NLGN1: variants seen among roughly 807,000 people sequenced by gnomAD.
The protein encoded by NLGN1 is neuroligin 1.
Under a neutral mutation model 65.5 loss-of-function variants are expected in NLGN1, and 12 were observed. The observed-to-expected ratio is 0.18, with a 90% CI of 0.12 to 0.30. The LOEUF is 0.30. Among genes scored for constraint, NLGN1 ranks in the 10% least tolerant of loss-of-function variants. The pLI is 1.00. For synonymous variants in NLGN1, 350 were observed against 359.5 expected, an observed-to-expected ratio of 0.97 and a Z score of 0.30; for missense variants, 750 against 1,007.1, an observed-to-expected ratio of 0.74 and a Z score of 3.46.
chr3:173,764,396 C>T (rs539430373), intron 3 of NLGN1, among the ~76,000 whole-genome samples: 20 of 152,264 alleles, frequency 1.3e-4, no homozygotes, highest in African/African-American at 4.1e-4. Flanking sequence ...GACTGAATCA[C>T]TGCTTCCTGT....
chr3:174,202,212 C>A (rs1488874784), intron 4 of NLGN1, among the ~76,000 whole-genome samples: 1 of 152,152 alleles, frequency 6.6e-6, no homozygotes, highest in Non-Finnish European at 1.5e-5. Flanking sequence ...CAAACACAAA[C>A]CCTCTTGCCC....
At chr3:174,147,952 C>T (rs907845257) in intron 4 of NLGN1, among the ~76,000 whole-genome samples, 3 of 152,154 alleles carry the variant, frequency 2.0e-5, no homozygotes, top group African/African-American at 7.2e-5. Context: ...TCTAAATCCT[C>T]CTCTTGTTCT....
intron 4 of NLGN1, among the ~76,000 whole-genome samples, chr3:173,876,257 A>G (rs1732086124): frequency 6.6e-6 from 1 of 152,142 alleles, no homozygotes; most frequent in South Asian, 2.1e-4. Context: ...GAACAGGTCA[A>G]TTAGCTTTTA....
In NLGN1 at chr3:173,521,400, A is replaced by G. The variant is rs139886275; in HGVS notation, c.-320-82879A>G. On this transcript the variant is annotated intron_variant, in intron 2 of 6. Coordinates refer to ENST00000457714, the Ensembl canonical transcript of NLGN1. ...ATAGAGGTGCTAGCCTTCTATCCCT[A>G]CAAACTTTACTTGTTAAAACCATGG... Among the ~76,000 whole-genome samples, 156 of 152,322 alleles carry G rather than the reference A, an allele frequency of 1.0e-3. 1 individual carries two copies. The highest frequency in any genetic ancestry group is 6.8e-3 in the Middle Eastern group (2 of 294).
intron 4 of NLGN1, among the ~76,000 whole-genome samples, chr3:174,228,084 T>A (rs1740058680): frequency 6.6e-6 from 1 of 152,086 alleles, no homozygotes; most frequent in African/African-American, 2.4e-5. Flanking sequence ...ATTTTTTTTT[T>A]ACATTGAAAT....
At position 174,273,954 on chromosome 3, in the gene NLGN1, G is replaced by T. The variant is rs12632857; in HGVS notation, c.647-1361G>T. ...TGATAGGTAGTGTTATCATGGTTTTGTTTTCATAAATGTAATCGATGTCCT... is the reference window on the plus strand; with the variant it reads ...TGATAGGTAGTGTTATCATGGTTTTTTTTTCATAAATGTAATCGATGTCCT... On this transcript the variant is annotated intron_variant, in intron 4 of 6. Coordinates refer to ENST00000457714, the Ensembl canonical transcript of NLGN1. Among the ~76,000 whole-genome samples the T allele has an allele frequency of 2.0e-4, 31 of 151,492 alleles. 1 individual carries two copies. Among genetic ancestry groups the T allele is most frequent in the Non-Finnish European group, 3.5e-4 (24 of 67,674 alleles).
At chr3:174,244,551 A>G (rs1339761502) in intron 4 of NLGN1, among the ~76,000 whole-genome samples, 3 of 152,212 alleles carry the variant, frequency 2.0e-5, no homozygotes, top group African/African-American at 7.2e-5. Flanking sequence ...AATACTAAGT[A>G]CAAGAGAAGA....
intron 2 of NLGN1, among the ~76,000 whole-genome samples, chr3:173,502,832 T>TTG (rs1436979438): frequency 1.3e-5 from 2 of 152,096 alleles, no homozygotes; most frequent in African/African-American, 4.8e-5. Flanking sequence ...GATGTTAAAA[T>TTG]ATTCAGAGGA....
intron 4 of NLGN1, among the ~76,000 whole-genome samples, chr3:173,822,534 T>C (rs1381046107): frequency 6.6e-6 from 1 of 152,168 alleles, no homozygotes; most frequent in Non-Finnish European, 1.5e-5. Context: ...GTGTATAAGG[T>C]GTATATGATA....
intron 3 of NLGN1, among the ~76,000 whole-genome samples, chr3:173,670,407 A>G (rs1502478): frequency 0.11 from 17,377 of 152,174 alleles, 1,034 homozygotes; most frequent in Middle Eastern, 0.27. Flanking sequence ...ATTATGAAGT[A>G]TCATGTCAGG....
chr3:173,481,065 A>G (rs1727202120), intron 2 of NLGN1, among the ~76,000 whole-genome samples: 1 of 151,946 alleles, frequency 6.6e-6, no homozygotes, highest in Non-Finnish European at 1.5e-5. Context: ...TGGTATTCTG[A>G]TTTTTCAGAT....
chr3:173,963,778 G>A (rs1451352643), intron 4 of NLGN1, among the ~76,000 whole-genome samples: 2 of 152,134 alleles, frequency 1.3e-5, no homozygotes, highest in Non-Finnish European at 2.9e-5. Flanking sequence ...TGTCTAATTG[G>A]CTTGCCAATT....
At chr3:173,728,812 C>T (rs1333982875) in intron 3 of NLGN1, among the ~76,000 whole-genome samples, 1 of 151,990 alleles carries the variant, frequency 6.6e-6, no homozygotes, top group African/African-American at 2.4e-5. Context: ...ATTTTTTTCC[C>T]TAGAGTCTTC....
intron 1 of NLGN1, among the ~76,000 whole-genome samples, chr3:173,427,235 C>A (rs979695925): frequency 1.3e-5 from 2 of 151,734 alleles, no homozygotes; most frequent in African/African-American, 4.8e-5. Context: ...TAAGGTTTAT[C>A]CATTTTGTTT....
At chr3:174,161,611 A>G (rs776587824) in intron 4 of NLGN1, among the ~76,000 whole-genome samples, 1 of 151,892 alleles carries the variant, frequency 6.6e-6, no homozygotes, top group Non-Finnish European at 1.5e-5. Flanking sequence ...ATAGCAGGGA[A>G]GAAATCCAAC....
intron 4 of NLGN1, among the ~76,000 whole-genome samples, chr3:173,936,634 A>G (rs1445246133): frequency 6.6e-6 from 1 of 152,054 alleles, no homozygotes; most frequent in Non-Finnish European, 1.5e-5. Flanking sequence ...TTTAGAATGA[A>G]CTAACTTGCA....
chr3:173,947,006 C>A (rs1747297822), intron 4 of NLGN1, among the ~76,000 whole-genome samples: 1 of 151,378 alleles, frequency 6.6e-6, no homozygotes, highest in Non-Finnish European at 1.5e-5. Flanking sequence ...ATGTAGTGAG[C>A]AGTGGAAACA....
At chr3:173,763,111 G>A (rs1778241566) in intron 3 of NLGN1, among the ~76,000 whole-genome samples, 1 of 151,942 alleles carries the variant, frequency 6.6e-6, no homozygotes, top group Non-Finnish European at 1.5e-5. Context: ...AAAGCTTTGG[G>A]AGCTTACTTC....
intron 4 of NLGN1, among the ~76,000 whole-genome samples, chr3:173,930,920 A>G (rs1743969185): frequency 6.6e-6 from 1 of 152,184 alleles, no homozygotes; most frequent in South Asian, 2.1e-4. Flanking sequence ...TTTCTTACCT[A>G]TAAAGAGAAA....
Sources: gnomAD v4.1 joint callset for allele counts (sites outside exome capture counted in the v4.1 genomes callset) on GRCh38, gnomAD v4.1.1 for gene constraint, MANE v1.5 for transcripts, NCBI Gene and HGNC (gene_info 2026-07-23, HGNC 2026-07-21) for gene names.